SYCP2L: variants seen among roughly 807,000 people sequenced by gnomAD.
The protein encoded by SYCP2L is synaptonemal complex protein 2 like, also known as synaptonemal complex protein 2-like.
Under a neutral mutation model 125.8 loss-of-function variants are expected in SYCP2L, and 98 were observed. The observed-to-expected ratio is 0.78, with a 90% confidence interval of 0.66 to 0.92. The LOEUF (loss-of-function observed/expected upper bound fraction) is 0.92. SYCP2L is among the 40% of genes least tolerant of loss of function. SYCP2L has a pLI of 0.00. For synonymous variants in SYCP2L, 317 were observed against 325.4 expected (o/e 0.97, Z 0.28); for missense variants, 842 against 936.4 (o/e 0.90, Z 1.32).
intron 21 of SYCP2L, among the ~76,000 whole-genome samples, chr6:10,939,327 C>T (rs1485384214): frequency 6.6e-6 from 1 of 152,134 alleles, no homozygotes; most frequent in Non-Finnish European, 1.5e-5. Flanking sequence ...TTCAATTCAA[C>T]TGCTATCAAA....
At chr6:10,901,301 A>G (rs1352187887) in intron 6 of SYCP2L, among the ~76,000 whole-genome samples, 2 of 152,212 alleles carry the variant, frequency 1.3e-5, no homozygotes, top group African/African-American at 2.4e-5. Context: ...TGAGAGGGAC[A>G]TGGTCAGAGC....
chr6:10,900,498 G>T (rs539887625), intron 6 of SYCP2L, among the ~76,000 whole-genome samples: 1 of 152,042 alleles, frequency 6.6e-6, no homozygotes, highest in African/African-American at 2.4e-5. Context: ...CATTACAAGC[G>T]TGTGCCACCA....
chr6:10,915,075 G>T (rs1780669851), intron 14 of SYCP2L, among the ~76,000 whole-genome samples: 1 of 151,912 alleles, frequency 6.6e-6, no homozygotes, highest in Non-Finnish European at 1.5e-5. Context: ...TTTGTTTTTT[G>T]CATCTATGGT....
chr6:10,913,104 T>G (rs1425322873), intron 14 of SYCP2L, among the ~76,000 whole-genome samples, 177 bp downstream of exon 14: 2 of 152,206 alleles, frequency 1.3e-5, no homozygotes, highest in Non-Finnish European at 2.9e-5. Flanking sequence ...CTTTGTGACC[T>G]TGGGATTAAA....
intron 21 of SYCP2L, among the ~76,000 whole-genome samples, chr6:10,939,235 C>T (rs968310617): frequency 2.6e-5 from 4 of 151,866 alleles, no homozygotes; most frequent in African/African-American, 9.7e-5. Context: ...TAATTGAAGA[C>T]ACAAATAAAT....
At chr6:10,941,659 G>A (rs1298171537) in intron 21 of SYCP2L, among the ~76,000 whole-genome samples, 3 of 152,222 alleles carry the variant, frequency 2.0e-5, no homozygotes, top group Admixed American at 1.3e-4. Context: ...ACAGATGCTG[G>A]AGAGGATGTG....
At chr6:10,903,536 T>C (rs1780426720) in intron 8 of SYCP2L, among the ~76,000 whole-genome samples, 1 of 150,414 alleles carries the variant, frequency 6.6e-6, no homozygotes, top group Admixed American at 6.6e-5. Context: ...GGTGACAGAG[T>C]GAGACTCTGT....
At chr6:10,894,510 G>A (rs961768256) in intron 4 of SYCP2L, among the ~76,000 whole-genome samples, 1 of 152,120 alleles carries the variant, frequency 6.6e-6, no homozygotes, top group Non-Finnish European at 1.5e-5. Flanking sequence ...AAATGAGTAG[G>A]AGTAGGCTCT....
Position 10,955,121 on chromosome 6 carries a change from C to T in SYCP2L, c.1960C>T (p.Pro654Ser). 3 of 1,610,422 alleles carry T rather than the reference C, an allele frequency of 1.9e-6. No individual in the cohort carries two copies. Among genetic ancestry groups the T allele is most frequent in the Non-Finnish European group, 2.5e-6 (3 of 1,176,786 alleles). The change falls in exon 24 of 30, where the codon CCA (proline) becomes TCA (serine). Residue 654 changes from proline (P) to serine (S), a missense_variant. Physicochemically the swap from Pro to Ser is moderately conservative, Grantham distance 74. Coordinates refer to ENST00000283141, the MANE Select transcript of SYCP2L (RefSeq NM_001040274.3). ...KLRNLEDKDI[P>S]EGSFAKSQQS... ...TGTGCTCTGTTTGCCTGTAGACATA[C>T]CAGAAGGTAGTTTTGCTAAGTCACA...
At chr6:10,908,450 T>C (rs1483046448) in intron 10 of SYCP2L, among the ~76,000 whole-genome samples, 2 of 152,158 alleles carry the variant, frequency 1.3e-5, no homozygotes, top group South Asian at 2.1e-4. Flanking sequence ...CTTTTTTTTT[T>C]CTTCTCTGCA....
At chr6:10,916,237 G>T (rs765959961) in intron 14 of SYCP2L, among the ~76,000 whole-genome samples, 4 of 152,034 alleles carry the variant, frequency 2.6e-5, no homozygotes, top group Admixed American at 6.6e-5. Context: ...CTTACTCATG[G>T]TCTATCAGTT....
intron 18 of SYCP2L, among the ~76,000 whole-genome samples, chr6:10,929,198 G>T (rs75183216): frequency 6.6e-6 from 1 of 152,132 alleles, no homozygotes; most frequent in Admixed American, 6.6e-5. Flanking sequence ...GCCGCACCCG[G>T]CTGTGTATTC....
At chr6:10,939,995 G>A (rs1781185215) in intron 21 of SYCP2L, among the ~76,000 whole-genome samples, 1 of 152,094 alleles carries the variant, frequency 6.6e-6, no homozygotes, top group Non-Finnish European at 1.5e-5. Flanking sequence ...CAACTCAAAA[G>A]CAAGACAACA....
chr6:10,895,341 A>G (rs924301048), intron 4 of SYCP2L, among the ~76,000 whole-genome samples: 2 of 152,190 alleles, frequency 1.3e-5, no homozygotes, highest in Non-Finnish European at 2.9e-5. Context: ...ACAAAGGGGC[A>G]CGAGGGCCTT....
intron 10 of SYCP2L, among the ~76,000 whole-genome samples, chr6:10,909,578 T>C (rs1780569949): frequency 6.6e-6 from 1 of 152,174 alleles, no homozygotes; most frequent in Non-Finnish European, 1.5e-5. Context: ...GTTTTTAGAA[T>C]GTTGGGGGGC....
Position 10,887,074 on chromosome 6 carries a change from C to A in SYCP2L, c.-53C>A. ...GGCGGGGAAGCAGGAGAGGGCCGAC[C>A]GAGCGCAACAAAGCTGAGCGGCGCG... On this transcript the variant is annotated 5_prime_UTR_variant, in exon 1 of 30. Transcript: ENST00000283141. 6.2e-7 allele frequency: 1 copy of A among 1,612,896 alleles called. No homozygotes were observed. The highest frequency in any genetic ancestry group is 8.5e-7 in the Non-Finnish European group (1 of 1,179,272).
At chr6:10,888,190 G>A (rs1475862932) in intron 1 of SYCP2L, among the ~76,000 whole-genome samples, 1 of 140,850 alleles carries the variant, frequency 7.1e-6, no homozygotes, top group African/African-American at 2.7e-5. Flanking sequence ...TCTGCCTCCC[G>A]GGTTCAAGCG....
intron 1 of SYCP2L, 132 bp from the exon 2 acceptor site, chr6:10,891,381 C>T: frequency 2.8e-6 from 2 of 713,262 alleles, no homozygotes; most frequent in South Asian, 3.9e-5. Flanking sequence ...TATGAGCAAA[C>T]AAAAATTTCT....
Position 10,942,836 on chromosome 6 carries a change from A to G in SYCP2L, c.1954+90A>G, listed in dbSNP as rs116170595. On this transcript the variant is annotated intron_variant, in intron 23 of 29. Transcript: ENST00000283141. ...GACTGGGCTGTTACTCAGATTGCAG[A>G]TCAAGTCACTTTGCACAGTGACTAT... 7,990 of 1,196,692 alleles carry G rather than the reference A, an allele frequency of 6.7e-3. 44 individuals carry two copies. The highest frequency in any genetic ancestry group is 8.4e-3 in the Non-Finnish European group (7,194 of 851,712). The allele number at this position is 1,196,692 out of a possible 1,614,324, so 74.1% of individuals were successfully genotyped here.
Sources: gnomAD v4.1 joint callset for allele counts (sites outside exome capture counted in the v4.1 genomes callset) on GRCh38, gnomAD v4.1.1 for gene constraint, MANE v1.5 for transcripts, NCBI Gene and HGNC (gene_info 2026-07-23, HGNC 2026-07-21) for gene names.